GBF1: variants seen among roughly 807,000 people sequenced by gnomAD.
GBF1 encodes the protein Golgi-specific brefeldin A-resistance guanine nucleotide exchange factor 1.
GBF1 carries 114 observed loss-of-function variants against 210.5 expected under a neutral mutation model. The ratio of observed to expected loss-of-function variants is 0.54; its 90% CI spans 0.47 to 0.63. The LOEUF (loss-of-function observed/expected upper bound fraction) is 0.63, where lower values mean the gene tolerates loss of function less well. GBF1 is among the 30% of genes least tolerant of loss of function. The pLI is 0.00. For missense variants in GBF1, 1,851 were observed against 2,357.7 expected (o/e 0.79, Z 4.45); for synonymous variants, 850 against 889.2 (o/e 0.96, Z 0.78).
intron 3 of GBF1, among the ~76,000 whole-genome samples, chr10:102,328,359 G>C (rs1023140890): frequency 1.3e-5 from 2 of 152,080 alleles, no homozygotes; most frequent in African/African-American, 4.8e-5. Flanking sequence ...AATTAGCCAA[G>C]TGTGGTGGCA....
At chr10:102,311,696 A>G (rs1257986197) in intron 3 of GBF1, among the ~76,000 whole-genome samples, 2 of 152,148 alleles carry the variant, frequency 1.3e-5, no homozygotes, top group African/African-American at 4.8e-5. Flanking sequence ...TATGGGCCTA[A>G]TTTCTTCTGT....
intron 18 of GBF1, among the ~76,000 whole-genome samples, chr10:102,365,918 G>A (rs1198830398): frequency 1.3e-5 from 2 of 151,888 alleles, no homozygotes; most frequent in African/African-American, 4.8e-5. Context: ...TCATGCCACT[G>A]TGATAGAGCT....
chr10:102,376,621 T>G lies in GBF1; in HGVS notation c.4109T>G (p.Leu1370Arg). ...CCCAGCCGCCCAGGCCCTTCACCCCTGATCAATCAATACAGCCTAACAGTG... is the reference window on the plus strand; with the variant it reads ...CCCAGCCGCCCAGGCCCTTCACCCCGGATCAATCAATACAGCCTAACAGTG... ...PGPSRPGPSPLINQYSLTVGL... is the reference protein window; with the variant it reads ...PGPSRPGPSPRINQYSLTVGL... The change falls in exon 32 of 40, where the codon CTG (leucine) becomes CGG (arginine). Residue 1370 changes from leucine to arginine, a missense_variant. Transcript: ENST00000369983. 6.2e-7 allele frequency: 1 copy of G among 1,613,696 alleles called. No homozygotes were observed. The highest frequency in any genetic ancestry group is 8.5e-7 in the Non-Finnish European group (1 of 1,179,690).
At chr10:102,374,329 C>T (rs576368556) in intron 29 of GBF1, among the ~76,000 whole-genome samples, 53 of 149,570 alleles carry the variant, frequency 3.5e-4, no homozygotes, top group African/African-American at 1.2e-3. Flanking sequence ...GCCTGGGCAA[C>T]AGAGTAAGAC....
chr10:102,367,582 T>G (rs2059982365), intron 21 of GBF1, 22 bp downstream of exon 21: 2 of 1,270,386 alleles, frequency 1.6e-6, no homozygotes, highest in Non-Finnish European at 2.3e-6. Flanking sequence ...TAGAGAATAG[T>G]GCAGTATCTC....
At chr10:102,275,181 C>T (rs1257470560) in intron 3 of GBF1, among the ~76,000 whole-genome samples, 1 of 152,048 alleles carries the variant, frequency 6.6e-6, no homozygotes, top group African/African-American at 2.4e-5. Flanking sequence ...AGCTGTTTAC[C>T]TTATGTTGCT....
At chr10:102,296,576 C>CTA (rs971579756) in intron 3 of GBF1, among the ~76,000 whole-genome samples, 2 of 152,050 alleles carry the variant, frequency 1.3e-5, no homozygotes, top group Non-Finnish European at 2.9e-5. Context: ...AACCCCATCT[C>CTA]TACTAAAAAG....
chr10:102,370,397 T>G lies in GBF1; in HGVS notation c.3425T>G (p.Val1142Gly). 1 of 1,611,230 alleles carries G rather than the reference T, an allele frequency of 6.2e-7. No homozygotes were observed. The highest frequency in any genetic ancestry group is 8.5e-7 in the Non-Finnish European group (1 of 1,177,314). Residue 1142 changes from valine to glycine, a missense_variant, in exon 28 of 40, where the codon GTG becomes GGG. Around this residue, in one of 3 missense-constraint regions of GBF1, gnomAD observed 967 missense variants for 1,247.7 expected, o/e 0.78. Transcript: ENST00000369983. Reference sequence around the variant, plus strand: ...GTTCCCCTTCAGGCTCTGGTCTCAGTGACACCAGATGAAGAGACATATGAT... The same window carrying G: ...GTTCCCCTTCAGGCTCTGGTCTCAGGGACACCAGATGAAGAGACATATGAT... ...LQELMKALVS[V>G]TPDEETYDEE...
chr10:102,339,425 G>A (rs189410917), intron 3 of GBF1, among the ~76,000 whole-genome samples: 398 of 151,724 alleles, frequency 2.6e-3, no homozygotes, highest in African/African-American at 7.5e-3. Context: ...CCAGCACTTT[G>A]GGAGGCTGAG....
chr10:102,344,326 G>A, intron 4 of GBF1, 144 bp downstream of exon 4: 1 of 732,210 alleles, frequency 1.4e-6, no homozygotes, highest in Non-Finnish European at 2.3e-6. Flanking sequence ...TAGGATTGTT[G>A]TTGGTTATTC....
At chr10:102,350,853 G>A (rs983249279) in intron 4 of GBF1, among the ~76,000 whole-genome samples, 4 of 152,080 alleles carry the variant, frequency 2.6e-5, no homozygotes, top group African/African-American at 9.7e-5. Context: ...GGAGGCCGAG[G>A]CAGGTGGATC....
rs913291339 is a variant in GBF1, at chr10:102,366,811, C to T, written c.2434-274C>T. On this transcript the variant is annotated intron_variant, in intron 19 of 39. Coordinates refer to ENST00000369983, the MANE Select transcript of GBF1 (RefSeq NM_001377137.1). The surrounding 1 kb of genome is among the most constrained non-coding windows in gnomAD (Gnocchi z 4.0). ...ATGTTGGTCAGGCTGGTCTCGAACT[C>T]CTGATCTCGGGTGATCCGCCCACCT... is the stretch of plus-strand genomic sequence containing the variant. 6.6e-6 allele frequency among the ~76,000 whole-genome samples: 1 copy of T among 152,096 alleles called. No individual in the cohort carries two copies. Among genetic ancestry groups the T allele is most frequent in the African/African-American group, 2.4e-5 (1 of 41,406 alleles).
chr10:102,370,672 G>C (rs377760106), intron 28 of GBF1, 35 bp from the exon 29 acceptor site: 78 of 1,609,172 alleles, frequency 4.8e-5, no homozygotes, highest in Non-Finnish European at 6.6e-5. Context: ...GGCCCCTCTG[G>C]CTGAGACTAT....
chr10:102,322,051 G>A (rs1448447989), intron 3 of GBF1, among the ~76,000 whole-genome samples: 1 of 152,150 alleles, frequency 6.6e-6, no homozygotes, highest in Non-Finnish European at 1.5e-5. Flanking sequence ...GTAGAGACAG[G>A]GTTTCACCAT....
chr10:102,335,710 A>G (rs1372071055), intron 3 of GBF1, among the ~76,000 whole-genome samples: 2 of 152,160 alleles, frequency 1.3e-5, no homozygotes, highest in African/African-American at 4.8e-5. Flanking sequence ...CCTCATTTTT[A>G]TCTTCAAAAT....
intron 3 of GBF1, among the ~76,000 whole-genome samples, chr10:102,276,946 C>CAT (rs1421037385): frequency 6.6e-6 from 1 of 151,574 alleles, no homozygotes; most frequent in Non-Finnish European, 1.5e-5. Context: ...ATAGGTCTCC[C>CAT]ATATGTCCTT....
intron 3 of GBF1, among the ~76,000 whole-genome samples, chr10:102,274,286 G>A (rs2074707548): frequency 6.6e-6 from 1 of 152,140 alleles, no homozygotes; most frequent in Non-Finnish European, 1.5e-5. Context: ...TTCTAGGATG[G>A]TCAAAAGAAT....
At chr10:102,315,948 C>G (rs2078891937) in intron 3 of GBF1, among the ~76,000 whole-genome samples, 1 of 152,082 alleles carries the variant, frequency 6.6e-6, no homozygotes, top group Non-Finnish European at 1.5e-5. Flanking sequence ...GAAATTAATT[C>G]TGATAGCAGA....
At position 102,365,547 on chromosome 10, in the gene GBF1, G is replaced by A; in HGVS notation, c.2257G>A (p.Gly753Arg). 6.2e-7 allele frequency: 1 copy of A among 1,614,186 alleles called. No individual in the cohort carries two copies. Among genetic ancestry groups the A allele is most frequent in the South Asian group, 1.1e-5 (1 of 91,076 alleles). Residue 753 changes from glycine (G) to arginine (R), a missense_variant, in exon 18 of 40, where the codon GGA (glycine) becomes AGA (arginine). Gly to Arg is a moderately radical substitution (Grantham distance 125). Coordinates refer to ENST00000369983, the MANE Select transcript of GBF1 (RefSeq NM_001377137.1). Reference protein sequence around the residue: ...ENPRLDKKMIGEFVSDRKNID... With the variant: ...ENPRLDKKMIREFVSDRKNID... ...CCCTCGGCTGGACAAGAAGATGATT[G>A]GAGAGTTTGTGAGTGACCGCAAAAA...
Sources: gnomAD v4.1 joint callset for allele counts (sites outside exome capture counted in the v4.1 genomes callset) on GRCh38, gnomAD v4.1.1 for gene constraint, gnomAD v4.1.1 regional missense constraint, Gnocchi (gnomAD v3.1) non-coding constraint, MANE v1.5 for transcripts, NCBI Gene and HGNC (gene_info 2026-07-23, HGNC 2026-07-21) for gene names.